CD163: variants seen among roughly 807,000 people sequenced by gnomAD.
CD163 encodes the protein scavenger receptor cysteine-rich type 1 protein M130.
CD163 carries 64 observed loss-of-function variants against 129.2 expected under a neutral mutation model. The observed-to-expected ratio is 0.50, with a 90% CI of 0.41 to 0.61. The LOEUF (loss-of-function observed/expected upper bound fraction) is 0.61, where lower values mean the gene tolerates loss of function less well. CD163 is among the 20% of genes least tolerant of loss of function. The pLI, the probability that CD163 is intolerant of heterozygous loss-of-function variation, is 0.00. For missense variants in CD163, 1,061 were observed against 1,377.9 expected, an observed-to-expected ratio of 0.77 and a Z score of 3.64; for synonymous variants, 446 against 478.5, an observed-to-expected ratio of 0.93 and a Z score of 0.89.
chr12:7,503,686 C>T lies in CD163; in HGVS notation c.5G>A (p.Ser2Asn). 6.3e-7 allele frequency: 1 copy of T among 1,593,494 alleles called. No individual in the cohort carries two copies. Residue 2 changes from serine to asparagine, a missense_variant, in exon 1 of 17, where the codon AGC becomes AAC. Physicochemically the swap from Ser to Asn is conservative, Grantham distance 46. Transcript: ENST00000432237. Reference sequence around the variant, plus strand: ...TTCAAGTAGCACCATTCTGAGTTTGCTCATTCCAAAGATTTATAACTTCAA... The same window carrying T: ...TTCAAGTAGCACCATTCTGAGTTTGTTCATTCCAAAGATTTATAACTTCAA... M[S>N]KLRMVLLEDS... is the part of the protein sequence containing the mutation.
Position 7,481,214 on chromosome 12 carries a change from C to T in CD163, c.3290G>A (p.Arg1097Gln), listed in dbSNP as rs144059086. 7.7e-4 allele frequency: 1,247 copies of T among 1,613,852 alleles called. 2 individuals are homozygous for T. The highest frequency in any genetic ancestry group is 1.0e-3 in the African/African-American group (76 of 75,012). The change falls in exon 15 of 17, where the codon CGG becomes CAG. Residue 1097 changes from arginine (R) to glutamine (Q), a missense_variant. By Grantham distance (43) the Arg-to-Gln change is conservative. Coordinates refer to ENST00000432237, the MANE Select transcript of CD163 (RefSeq NM_203416.4). ...GENLVHQIQY[R>Q]EMNSCLNADD... The stretch of plus-strand genomic sequence containing the variant: ...TGCATTCAGGCAAGAATTCATCTCC[C>T]GGTATTGAATTTGGTGGACTAAGTT...
At chr12:7,484,398 G>C (rs1949218475) in intron 11 of CD163, among the ~76,000 whole-genome samples, 1 of 152,032 alleles carries the variant, frequency 6.6e-6, no homozygotes, top group Admixed American at 6.6e-5. Flanking sequence ...CCAGCAATTT[G>C]GGAGGCCAAG....
At position 7,495,366 on chromosome 12, in the gene CD163, C is replaced by T; in HGVS notation, c.1135G>A (p.Gly379Ser). 1 of 1,614,134 alleles carries T rather than the reference C, an allele frequency of 6.2e-7. No individual in the cohort carries two copies. Among genetic ancestry groups the T allele is most frequent in the Non-Finnish European group, 8.5e-7 (1 of 1,179,998 alleles). Residue 379 changes from glycine (G) to serine (S), a missense_variant, in exon 6 of 17, where the codon GGC becomes AGC. By Grantham distance (56) the Gly-to-Ser change is moderately conservative. Transcript: ENST00000432237. Reference protein sequence around the residue: ...SDLELRLRGGGSRCAGTVEVE... With the variant: ...SDLELRLRGGSSRCAGTVEVE... ...TCAACTGTCCCAGCACAGCGGCTGC[C>T]TCCACCTCTAAGTCTTAGCTCCAGA... is the stretch of plus-strand genomic sequence containing the variant.
rs1949408096 is a variant in CD163, at chr12:7,496,797, T to G, written c.1099+16A>C. On this transcript the variant is annotated intron_variant, in intron 5 of 16. Coordinates refer to ENST00000432237, the MANE Select transcript of CD163 (RefSeq NM_203416.4). This position sits in a 1 kb window ranked among gnomAD's most constrained non-coding sequence, Gnocchi z 4.8. Reference sequence around the variant, plus strand: ...TTTTTGTTTAGTGTTTTGGTTTTGGTTTGGTTTTAACTTACCAGAACATGT... The same window carrying G: ...TTTTTGTTTAGTGTTTTGGTTTTGGGTTGGTTTTAACTTACCAGAACATGT... 1 of 1,612,438 alleles carries G rather than the reference T, an allele frequency of 6.2e-7. No homozygotes were observed. Among genetic ancestry groups the G allele is most frequent in the East Asian group, 2.2e-5 (1 of 44,870 alleles).
In CD163 at chr12:7,483,603, C is replaced by A; in HGVS notation, c.2852G>T (p.Gly951Val). ...RVEIWHGGSW[G>V]TVCDDSWDLD... ...GTCCCAAGAGTCATCACACACTGTC[C>A]CCCAGGAACCTCCATGCCAGATCTC... Residue 951 changes from glycine to valine, a missense_variant, in exon 12 of 17, where the codon GGG becomes GTG. Gly to Val is a moderately radical substitution (Grantham distance 109). Transcript: ENST00000432237. 6.2e-7 allele frequency: 1 copy of A among 1,612,962 alleles called. No homozygotes were observed. The highest frequency in any genetic ancestry group is 8.5e-7 in the Non-Finnish European group (1 of 1,179,708).
intron 6 of CD163, 63 bp from the exon 7 acceptor site, chr12:7,488,150 G>C: frequency 2.0e-6 from 3 of 1,475,718 alleles, no homozygotes; most frequent in East Asian, 2.5e-5. Context: ...TTCATGATGA[G>C]GGTGAAGAAG....
chr12:7,497,325 T>C (rs1427307085), intron 4 of CD163, among the ~76,000 whole-genome samples, 192 bp from the exon 5 acceptor site: 1 of 152,174 alleles, frequency 6.6e-6, no homozygotes, highest in African/African-American at 2.4e-5. Flanking sequence ...AGATGGGACA[T>C]CTCAGTATAG....
intron 15 of CD163, chr12:7,480,586 T>C (rs1266700847): frequency 6.5e-6 from 1 of 153,170 alleles, no homozygotes; most frequent in African/African-American, 2.4e-5. Context: ...ATACGTAGAA[T>C]GAACCAGTCT....
At chr12:7,480,964 GC>G in intron 15 of CD163, 196 bp downstream of exon 15, 1 of 1,286,678 alleles carries the variant, frequency 7.8e-7, no homozygotes, top group Non-Finnish European at 9.9e-7. Flanking sequence ...GGCCTCTTAA[GC>G]TAAAGGCCTC....
chr12:7,502,982 C>T (rs764444369), intron 1 of CD163, among the ~76,000 whole-genome samples: 4 of 152,086 alleles, frequency 2.6e-5, no homozygotes, highest in Non-Finnish European at 4.4e-5. Context: ...ACTACCTAGC[C>T]GCACTGATAG....
chr12:7,488,481 T>C (rs898018201), intron 6 of CD163, among the ~76,000 whole-genome samples: 1 of 152,328 alleles, frequency 6.6e-6, no homozygotes, highest in African/African-American at 2.4e-5. Flanking sequence ...TGCTCAACCT[T>C]TTTGAATTGT....
At chr12:7,477,794 C>T (rs945151323) in intron 16 of CD163, among the ~76,000 whole-genome samples, 17 of 152,134 alleles carry the variant, frequency 1.1e-4, no homozygotes, top group Admixed American at 5.9e-4. Flanking sequence ...AAAGCACCCT[C>T]ATGTGATTCT....
rs61729513 is a variant in CD163 at position 7,485,276 on chromosome 12, G to A, written c.2599C>T (p.Leu867=). 3,861 of 1,614,198 alleles carry A rather than the reference G, an allele frequency of 2.4e-3. 73 individuals are homozygous for A. In the African/African-American group the frequency reaches 0.043, roughly 18 times the overall value. The change falls in exon 11 of 17, where the codon CTG becomes TTG. Residue 867 remains leucine, a synonymous_variant. Transcript: ENST00000432237. This position sits in a 1 kb window ranked among gnomAD's most constrained non-coding sequence, Gnocchi z 4.5. ...ATTTTCCCTTTGTCTGCACAGCCCAGCTGCCTGCACACCACACCCACAGTG... is the reference window on the plus strand; with the variant it reads ...ATTTTCCCTTTGTCTGCACAGCCCAACTGCCTGCACACCACACCCACAGTG... ...ETTVGVVCRQ[L]GCADKGKINP...
Position 7,498,921 on chromosome 12 carries a change from C to T in CD163, c.725G>A (p.Gly242Glu). 6.2e-7 allele frequency: 1 copy of T among 1,614,106 alleles called. No individual in the cohort carries two copies. Among genetic ancestry groups the T allele is most frequent in the Non-Finnish European group, 8.5e-7 (1 of 1,179,986 alleles). The change falls in exon 4 of 17, where the codon GGA (glycine) becomes GAA (glutamate). Residue 242 changes from glycine (G) to glutamate (E), a missense_variant. Gly to Glu is a moderately conservative substitution (Grantham distance 98, BLOSUM62 -2). Transcript: ENST00000432237. ...ESALWNCKHQ[G>E]WGKHNCDHAE... ...ATGATCACAGTTATGCTTTCCCCAT[C>T]CTTGATGTTTGCAGTTCCAGAGAGC...
intron 6 of CD163, among the ~76,000 whole-genome samples, chr12:7,494,274 GA>G (rs1292686763): frequency 6.6e-6 from 1 of 152,118 alleles, no homozygotes; most frequent in African/African-American, 2.4e-5. Flanking sequence ...AAGTAATATA[GA>G]AATTCAAATT....
At chr12:7,483,315 C>A (rs192304862) in intron 12 of CD163, 52 bp downstream of exon 12, 7 of 1,543,566 alleles carry the variant, frequency 4.5e-6, no homozygotes, top group Admixed American at 3.5e-5. Flanking sequence ...CACTGCCCAA[C>A]CCCTCTTTGC....
In CD163 at chr12:7,487,531, A is replaced by G; in HGVS notation, c.1878T>C (p.Cys626=). ...DAHVLCQQLK[C]GVALSTPGGA... ...CTCCTGGGGTAGAAAGGGCAACTCC[A>G]CATTTAAGCTGCTGGCAAAGAACAT... Residue 626 remains cysteine (C), a synonymous_variant, in exon 8 of 17, where the codon TGT becomes TGC. Coordinates refer to ENST00000432237, the MANE Select transcript of CD163 (RefSeq NM_203416.4). This position sits in a 1 kb window ranked among gnomAD's most constrained non-coding sequence, Gnocchi z 5.1. The G allele has an allele frequency of 6.2e-7, 1 of 1,614,110 alleles. No individual in the cohort carries two copies. Among genetic ancestry groups the G allele is most frequent in the Non-Finnish European group, 8.5e-7 (1 of 1,180,018 alleles).
chr12:7,499,811 G>A (rs1037970856), intron 3 of CD163, among the ~76,000 whole-genome samples: 4 of 152,118 alleles, frequency 2.6e-5, no homozygotes, highest in African/African-American at 9.7e-5. Flanking sequence ...AGAGGAAGCG[G>A]AGAAAGAAGA....
In CD163 at chr12:7,492,689, A is replaced by C. The variant is rs752918493; in HGVS notation, c.1420+2392T>G. Among the ~76,000 whole-genome samples the C allele has an allele frequency of 4.2e-4, 64 of 152,074 alleles. 1 individual carries two copies. The highest frequency in any genetic ancestry group is 1.5e-4 in the Non-Finnish European group (10 of 68,026). ...ACAAGCAGTCAGAATGCAAGCAGAAATGGGAGGAGAAATATCAATTTTATA... is the reference window on the plus strand; with the variant it reads ...ACAAGCAGTCAGAATGCAAGCAGAACTGGGAGGAGAAATATCAATTTTATA... On this transcript the variant is annotated intron_variant, in intron 6 of 16. Transcript: ENST00000432237.
Sources: gnomAD v4.1 joint callset for allele counts (sites outside exome capture counted in the v4.1 genomes callset) on GRCh38, gnomAD v4.1.1 for gene constraint, Gnocchi (gnomAD v3.1) non-coding constraint, MANE v1.5 for transcripts, NCBI Gene and HGNC (gene_info 2026-07-23, HGNC 2026-07-21) for gene names.